The following GID8 variants were observed in gnomAD, a reference collection of about 807,000 sequenced individuals.
GID8 encodes the protein GID complex subunit 8 homolog, also known as glucose-induced degradation protein 8 homolog.
GID8 carries 6 observed loss-of-function variants against 27.4 expected under a neutral mutation model. The ratio of observed to expected loss-of-function variants is 0.22; its 90% CI spans 0.12 to 0.43. The LOEUF is 0.43. Ranked by LOEUF, GID8 falls within the 20% of genes least tolerant of loss-of-function variation. The pLI, the probability that GID8 is intolerant of heterozygous loss-of-function variation, is 1.00. For missense variants in GID8, 173 were observed against 287.6 expected (o/e 0.60, Z 2.88); for synonymous variants, 112 against 109.0 (o/e 1.03, Z -0.17).
Position 62,944,760 on chromosome 20 carries a change from G to A in GID8, c.535G>A (p.Ala179Thr). ...CTAGGTGTGGAGTGAAGTTAACCAAGCTGTGCTAGATTATGAAAATCGCGA... is the reference window on the plus strand; with the variant it reads ...CTAGGTGTGGAGTGAAGTTAACCAAACTGTGCTAGATTATGAAAATCGCGA... ...RQKVWSEVNQ[A>T]VLDYENREST... The change falls in exon 5 of 5, where the codon GCT (alanine) becomes ACT (threonine). Residue 179 changes from alanine (A) to threonine (T), a missense_variant. Physicochemically the swap from Ala to Thr is moderately conservative, Grantham distance 58. Coordinates refer to ENST00000266069, the MANE Select transcript of GID8 (RefSeq NM_017896.3). 6.2e-7 allele frequency: 1 copy of A among 1,613,662 alleles called. No homozygotes were observed. Among genetic ancestry groups the A allele is most frequent in the South Asian group, 1.1e-5 (1 of 91,070 alleles).
At chr20:62,938,463 A>C (rs2065417470) in intron 1 of GID8, 1 of 151,970 alleles carries the variant, frequency 6.6e-6, no homozygotes, top group Non-Finnish European at 1.5e-5. Context: ...GTCAGGGCTC[A>C]GCCTCCAGGC....
intron 1 of GID8, among the ~76,000 whole-genome samples, chr20:62,939,901 AAGAC>A (rs1304734735): frequency 6.6e-6 from 1 of 152,214 alleles, no homozygotes; most frequent in Non-Finnish European, 1.5e-5. Context: ...GCAAAAGAGA[AAGAC>A]AGAGTGGACG....
chr20:62,941,078 T>C (rs980251768), intron 1 of GID8, among the ~76,000 whole-genome samples: 2 of 152,262 alleles, frequency 1.3e-5, no homozygotes, highest in Non-Finnish European at 2.9e-5. Flanking sequence ...TGGTCCACGC[T>C]GCTGTTGAAT....
At position 62,945,274 on chromosome 20, in the gene GID8, G is replaced by A. The variant is rs1267399275; in HGVS notation, c.*362G>A. On this transcript the variant is annotated 3_prime_UTR_variant, in exon 5 of 5. Transcript: ENST00000266069. Reference sequence around the variant, plus strand: ...CCCACTCAAAATACAGGAAAAGCACGAATCATGATTCTGCTTTCTGTTAGC... The same window carrying A: ...CCCACTCAAAATACAGGAAAAGCACAAATCATGATTCTGCTTTCTGTTAGC... 5.9e-6 allele frequency: 6 copies of A among 1,019,558 alleles called. No individual in the cohort carries two copies. In the East Asian group the frequency reaches 2.7e-4, roughly 45 times the overall value. 63.2% of individuals were successfully genotyped at this position (1,019,558 alleles called of 1,614,324 possible). A position where few individuals can be genotyped will look rare whatever the true frequency, so the allele number is the denominator to read the frequency against.
chr20:62,940,699 CTT>C (rs2147629174), intron 1 of GID8, among the ~76,000 whole-genome samples: 1 of 152,324 alleles, frequency 6.6e-6, no homozygotes, highest in East Asian at 1.9e-4. Flanking sequence ...ATCCAGGTGA[CTT>C]TGTGTCATGT....
At position 62,945,358 on chromosome 20, in the gene GID8, T is replaced by G. The variant is rs77671348; in HGVS notation, c.*446T>G. 1.8e-4 allele frequency: 152 copies of G among 845,308 alleles called. No homozygotes were observed. The East Asian group carries it at 2.7e-3, about 15-fold the overall frequency. 52.4% of individuals were successfully genotyped at this position (845,308 alleles called of 1,614,324 possible). A position where few individuals can be genotyped will look rare whatever the true frequency, so the allele number is the denominator to read the frequency against. On this transcript the variant is annotated 3_prime_UTR_variant, in exon 5 of 5. Transcript: ENST00000266069. ...TTCCTTACCCCTGTGGTTTTTGTGT[T>G]TTTTTTTTTTTCTTTTTCCATAGGA...
At position 62,943,748 on chromosome 20, in the gene GID8, TCG is replaced by T; in HGVS notation, c.513+57_513+58del. The T allele has an allele frequency of 7.4e-7, 1 of 1,352,944 alleles. No individual in the cohort carries two copies. Among genetic ancestry groups the T allele is most frequent in the Non-Finnish European group, 1.1e-6 (1 of 950,378 alleles). 83.8% of individuals were successfully genotyped at this position (1,352,944 alleles called of 1,614,324 possible). A position where few individuals can be genotyped will look rare whatever the true frequency, so the allele number is the denominator to read the frequency against. On this transcript the variant is annotated intron_variant, in intron 4 of 4. Transcript: ENST00000266069. The surrounding 1 kb of genome is among the most constrained non-coding windows in gnomAD (Gnocchi z 4.7). ...ATTCCCCATGTGCTCTGAGGGGGCT[TCG>T]TGACAACGCCAAGTGTGTGGCTTTG...
Position 62,946,448 on chromosome 20 carries a change from TG to T in GID8, c.*1538del, listed in dbSNP as rs1259547028. 1 of 157,196 alleles carries T rather than the reference TG, an allele frequency of 6.4e-6. No individual in the cohort carries two copies. Among genetic ancestry groups the T allele is most frequent in the Admixed American group, 6.3e-5 (1 of 15,808 alleles). 9.7% of individuals were successfully genotyped at this position (157,196 alleles called of 1,614,324 possible). A position where few individuals can be genotyped will look rare whatever the true frequency, so the allele number is the denominator to read the frequency against. ...TGATGCTTCTTTCTGTGTTGGAGCC[TG>T]GCGAAGTTGTGTTTTCAAGCCCTCT... On this transcript the variant is annotated 3_prime_UTR_variant, in exon 5 of 5. Transcript: ENST00000266069.
rs776679632 is a variant in GID8 at position 62,943,080 on chromosome 20, G to A, written c.212G>A (p.Arg71Gln). Residue 71 changes from arginine (R) to glutamine (Q), a missense_variant, in exon 3 of 5, where the codon CGG (arginine) becomes CAG (glutamine). Transcript: ENST00000266069. The surrounding 1 kb of genome is among the most constrained non-coding windows in gnomAD (Gnocchi z 4.7). ...LETLDERIKIREMILKGQIQE... is the reference protein window; with the variant it reads ...LETLDERIKIQEMILKGQIQE... ...ACACTTGATGAACGAATCAAGATCC[G>A]GGAGATGATACTGAAAGGTCAGATT... 2 of 1,613,848 alleles carry A rather than the reference G, an allele frequency of 1.2e-6. No homozygotes were observed. Among genetic ancestry groups the A allele is most frequent in the Admixed American group, 3.3e-5 (2 of 60,028 alleles).
chr20:62,943,047 A>G lies in GID8; in HGVS notation c.179A>G (p.Asp60Gly). Residue 60 changes from aspartate to glycine, a missense_variant, in exon 3 of 5, where the codon GAT (aspartate) becomes GGT (glycine). Transcript: ENST00000266069. This position sits in a 1 kb window ranked among gnomAD's most constrained non-coding sequence, Gnocchi z 4.7. ...RMESGIEPSV[D>G]LETLDERIKI... ...GAATCTGGAATCGAACCTAGTGTGG[A>G]TCTGGAAACACTTGATGAACGAATC... 1.2e-6 allele frequency: 2 copies of G among 1,614,040 alleles called. No homozygotes were observed. The highest frequency in any genetic ancestry group is 1.7e-6 in the Non-Finnish European group (2 of 1,179,896).
chr20:62,944,802 G>T lies in GID8; in HGVS notation c.577G>T (p.Ala193Ser). Reference protein sequence around the residue: ...YENRESTPKLAKLLKLLLWAQ... With the variant: ...YENRESTPKLSKLLKLLLWAQ... ...AAATCGCGAGTCAACACCCAAACTG[G>T]CAAAATTACTGAAACTACTACTTTG... The change falls in exon 5 of 5, where the codon GCA becomes TCA. Residue 193 changes from alanine (A) to serine (S), a missense_variant. Physicochemically the swap from Ala to Ser is moderately conservative, Grantham distance 99 (BLOSUM62 1). Coordinates refer to ENST00000266069, the MANE Select transcript of GID8 (RefSeq NM_017896.3). 6.2e-7 allele frequency: 1 copy of T among 1,614,124 alleles called. No individual in the cohort carries two copies. The highest frequency in any genetic ancestry group is 1.1e-5 in the South Asian group (1 of 91,078).
chr20:62,941,759 A>G (rs1490910219), intron 2 of GID8, 139 bp downstream of exon 2: 1 of 639,692 alleles, frequency 1.6e-6, no homozygotes, highest in African/African-American at 1.8e-5. Flanking sequence ...TAACCTGGTA[A>G]GTTTGGAAGT....
At chr20:62,944,118 T>C (rs957421931) in intron 4 of GID8, among the ~76,000 whole-genome samples, 1 of 152,240 alleles carries the variant, frequency 6.6e-6, no homozygotes, top group East Asian at 1.9e-4. Context: ...TGAGCCATCA[T>C]GCTCAGCCTC....
Position 62,941,501 on chromosome 20 carries a change from G to C in GID8, c.-2G>C, listed in dbSNP as rs756453713. Reference sequence around the variant, plus strand: ...ATTTTTTTCCTGTAGAAATAAATCAGAATGAGTTATGCAGAAAAACCCGAT... The same window carrying C: ...ATTTTTTTCCTGTAGAAATAAATCACAATGAGTTATGCAGAAAAACCCGAT... On this transcript the variant is annotated 5_prime_UTR_variant, in exon 2 of 5. Coordinates refer to ENST00000266069, the MANE Select transcript of GID8 (RefSeq NM_017896.3). 4.4e-6 allele frequency: 7 copies of C among 1,573,204 alleles called. No individual in the cohort carries two copies. The East Asian group carries it at 8.9e-5, about 20-fold the overall frequency.
Position 62,946,122 on chromosome 20 carries a change from G to C in GID8, c.*1210G>C, listed in dbSNP as rs188345097. 5 of 881,168 alleles carry C rather than the reference G, an allele frequency of 5.7e-6. No individual in the cohort carries two copies. The highest frequency in any genetic ancestry group is 6.4e-5 in the East Asian group (1 of 15,576). The allele number at this position is 881,168 out of a possible 1,614,324, so 54.6% of individuals were successfully genotyped here. On this transcript the variant is annotated 3_prime_UTR_variant, in exon 5 of 5. Transcript: ENST00000266069. ...CGGGCACTGTTGACCCCACTGAGCA[G>C]TGCTAAGTGTTGGTTTAGTGGATGT...
chr20:62,942,972 G>A lies in GID8; in HGVS notation c.119-15G>A, dbSNP rs2065449962. 2 of 1,597,568 alleles carry A rather than the reference G, an allele frequency of 1.3e-6. No homozygotes were observed. Among genetic ancestry groups the A allele is most frequent in the African/African-American group, 2.7e-5 (2 of 74,638 alleles). On this transcript the variant is annotated splice_polypyrimidine_tract_variant and intron_variant, in intron 2 of 4. Coordinates refer to ENST00000266069, the MANE Select transcript of GID8 (RefSeq NM_017896.3). ...TGCTAACTTTCCTAGCAGTGAAGAT[G>A]GTTTTTCTATTCAGAGGGCTTTAAG...
intron 1 of GID8, among the ~76,000 whole-genome samples, chr20:62,939,779 T>C (rs1213933636): frequency 1.3e-5 from 2 of 152,226 alleles, no homozygotes; most frequent in African/African-American, 4.8e-5. Context: ...TGCTCAGATC[T>C]CACCACCCTG....
intron 2 of GID8, among the ~76,000 whole-genome samples, chr20:62,942,424 C>T (rs1434983751): frequency 6.6e-6 from 1 of 152,156 alleles, no homozygotes; most frequent in Non-Finnish European, 1.5e-5. Context: ...TGCACTCCAG[C>T]CTGGGAGAGT....
In GID8 at chr20:62,946,080, T is replaced by C. The variant is rs1261966087; in HGVS notation, c.*1168T>C. The C allele has an allele frequency of 8.3e-7, 1 of 1,211,822 alleles. No individual in the cohort carries two copies. Among genetic ancestry groups the C allele is most frequent in the Non-Finnish European group, 1.1e-6 (1 of 919,900 alleles). 75.1% of individuals were successfully genotyped at this position (1,211,822 alleles called of 1,614,324 possible). ...GCTCTGGGCACAGATGTGTTTGGAT[T>C]CATTGCAGCGGACCACCGGGCACTG... On this transcript the variant is annotated 3_prime_UTR_variant, in exon 5 of 5. Coordinates refer to ENST00000266069, the MANE Select transcript of GID8 (RefSeq NM_017896.3).
Sources: gnomAD v4.1 joint callset for allele counts (sites outside exome capture counted in the v4.1 genomes callset) on GRCh38, gnomAD v4.1.1 for gene constraint, Gnocchi (gnomAD v3.1) non-coding constraint, MANE v1.5 for transcripts, NCBI Gene and HGNC (gene_info 2026-07-23, HGNC 2026-07-21) for gene names.